OR2A25: variants seen among roughly 807,000 people sequenced by gnomAD.
OR2A25 encodes olfactory receptor 2A25.
For missense variants in OR2A25, 362 were observed against 368.3 expected, an observed-to-expected ratio of 0.98 and a Z score of 0.14; for synonymous variants, 162 against 148.1, an observed-to-expected ratio of 1.09 and a Z score of -0.68.
chr7:144,073,368 C>T (rs1472052487), intron 1 of OR2A25, among the ~76,000 whole-genome samples: 4 of 151,610 alleles, frequency 2.6e-5, no homozygotes, highest in African/African-American at 4.8e-5. Context: ...CTATTTACAT[C>T]TATTATGTAT....
In OR2A25 at chr7:144,075,132, GA is replaced by G. The variant is rs2051103470; in HGVS notation, c.917del (p.Lys306ArgfsTer11). The G allele has an allele frequency of 2.5e-6, 4 of 1,607,400 alleles. No homozygotes were observed. The highest frequency in any genetic ancestry group is 1.3e-5 in the African/African-American group (1 of 74,516). ...CCAAGGTACTCTAAAGAGGATGCTT[GA>G]AAAGAAGAGAACTTCATGAAAGCCT... ...EVQGTLKRML[E>X]KKRTS On this transcript the variant is annotated frameshift_variant, in exon 2 of 2. Transcript: ENST00000641663. LOFTEE classifies it high-confidence loss of function.
chr7:144,074,948 C>T lies in OR2A25; in HGVS notation c.729C>T (p.His243=), dbSNP rs765950357. The change falls in exon 2 of 2, where the codon CAC becomes CAT. Residue 243 remains histidine (H), a synonymous_variant. Coordinates refer to ENST00000641663, the MANE Select transcript of OR2A25 (RefSeq NM_001386096.1). The part of the protein sequence containing the change: ...CQKAFSICSS[H]LCVVGLFYGT... ...AAGCCTTCTCCATCTGCTCCTCCCACCTCTGTGTGGTTGGACTCTTTTATG... is the reference window on the plus strand; with the variant it reads ...AAGCCTTCTCCATCTGCTCCTCCCATCTCTGTGTGGTTGGACTCTTTTATG... The T allele has an allele frequency of 5.0e-5, 81 of 1,614,060 alleles. No homozygotes were observed. The highest frequency in any genetic ancestry group is 1.5e-4 in the Admixed American group (9 of 60,008).
chr7:144,070,586 T>A (rs2051058490), intron 1 of OR2A25, among the ~76,000 whole-genome samples: 1 of 152,026 alleles, frequency 6.6e-6, no homozygotes, highest in Non-Finnish European at 1.5e-5. Flanking sequence ...ATGCTTTTGG[T>A]GTTGAATTTC....
chr7:144,070,521 G>C (rs974273803), intron 1 of OR2A25: 1 of 151,904 alleles, frequency 6.6e-6, no homozygotes, highest in African/African-American at 2.4e-5. Flanking sequence ...TTAGCTACTA[G>C]ACTAATTTAA....
intron 1 of OR2A25, 178 bp from the exon 2 acceptor site, chr7:144,074,037 CA>C (rs2051087578): frequency 1.6e-6 from 1 of 621,594 alleles, no homozygotes; most frequent in Non-Finnish European, 2.9e-6. Flanking sequence ...TCATAGATGA[CA>C]AAATGTCCTT....
At chr7:144,070,898 T>A (rs537339241) in intron 1 of OR2A25, among the ~76,000 whole-genome samples, 1 of 151,998 alleles carries the variant, frequency 6.6e-6, no homozygotes, top group Non-Finnish European at 1.5e-5. Flanking sequence ...AGGCACGCAA[T>A]GTGAAATAAG....
Position 144,074,931 on chromosome 7 carries a change from T to C in OR2A25, c.712T>C (p.Ser238Pro), listed in dbSNP as rs1335454819. The change falls in exon 2 of 2, where the codon TCC (serine) becomes CCC (proline). Residue 238 changes from serine to proline, a missense_variant. Ser to Pro is a moderately conservative substitution (Grantham distance 74, BLOSUM62 -1). Coordinates refer to ENST00000641663, the MANE Select transcript of OR2A25 (RefSeq NM_001386096.1). Reference protein sequence around the residue: ...QSGEGCQKAFSICSSHLCVVG... With the variant: ...QSGEGCQKAFPICSSHLCVVG... Reference sequence around the variant, plus strand: ...AGGAGAGGGGTGCCAGAAAGCCTTCTCCATCTGCTCCTCCCACCTCTGTGT... The same window carrying C: ...AGGAGAGGGGTGCCAGAAAGCCTTCCCCATCTGCTCCTCCCACCTCTGTGT... The C allele has an allele frequency of 6.2e-7, 1 of 1,614,142 alleles. No individual in the cohort carries two copies.
intron 1 of OR2A25, among the ~76,000 whole-genome samples, chr7:144,073,131 A>T (rs2051079775): frequency 6.6e-6 from 1 of 152,172 alleles, no homozygotes; most frequent in Non-Finnish European, 1.5e-5. Context: ...TAATGAGTAC[A>T]AACATATGGT....
chr7:144,074,824 C>T lies in OR2A25; in HGVS notation c.605C>T (p.Ala202Val). 2 of 1,614,168 alleles carry T rather than the reference C, an allele frequency of 1.2e-6. No individual in the cohort carries two copies. Among genetic ancestry groups the T allele is most frequent in the Non-Finnish European group, 1.7e-6 (2 of 1,180,012 alleles). Residue 202 changes from alanine to valine, a missense_variant, in exon 2 of 2, where the codon GCA becomes GTA. Coordinates refer to ENST00000641663, the MANE Select transcript of OR2A25 (RefSeq NM_001386096.1). ...HINEVMVLAG[A>V]VSVLVGAFFS... Reference sequence around the variant, plus strand: ...AATGAGGTAATGGTTTTGGCAGGGGCAGTGTCTGTGCTGGTGGGAGCCTTC... The same window carrying T: ...AATGAGGTAATGGTTTTGGCAGGGGTAGTGTCTGTGCTGGTGGGAGCCTTC...
Position 144,074,941 on chromosome 7 carries a change from C to T in OR2A25, c.722C>T (p.Ser241Phe). 1 of 1,614,130 alleles carries T rather than the reference C, an allele frequency of 6.2e-7. No individual in the cohort carries two copies. The highest frequency in any genetic ancestry group is 1.3e-5 in the African/African-American group (1 of 75,030). The change falls in exon 2 of 2, where the codon TCC becomes TTC. Residue 241 changes from serine (S) to phenylalanine (F), a missense_variant. Coordinates refer to ENST00000641663, the MANE Select transcript of OR2A25 (RefSeq NM_001386096.1). The stretch of plus-strand genomic sequence containing the variant: ...TGCCAGAAAGCCTTCTCCATCTGCT[C>T]CTCCCACCTCTGTGTGGTTGGACTC... ...EGCQKAFSIC[S>F]SHLCVVGLFY... is the part of the protein sequence containing the mutation.
intron 1 of OR2A25, among the ~76,000 whole-genome samples, chr7:144,071,210 G>GT (rs1190762824): frequency 5.3e-5 from 8 of 151,700 alleles, no homozygotes; most frequent in African/African-American, 1.7e-4. Flanking sequence ...CTTCTACTCT[G>GT]TATGTCCATG....
chr7:144,070,807 T>A (rs2051060273), intron 1 of OR2A25, among the ~76,000 whole-genome samples: 1 of 152,040 alleles, frequency 6.6e-6, no homozygotes, highest in Non-Finnish European at 1.5e-5. Flanking sequence ...AATTATCATA[T>A]TTGTGAGTCC....
At chr7:144,073,188 C>CTA (rs1014071939) in intron 1 of OR2A25, among the ~76,000 whole-genome samples, 3 of 151,962 alleles carry the variant, frequency 2.0e-5, no homozygotes, top group Non-Finnish European at 4.4e-5. Context: ...AGAAGAGTGA[C>CTA]TATAGTTTAC....
Position 144,074,757 on chromosome 7 carries a change from A to C in OR2A25, c.538A>C (p.Ile180Leu). 6.2e-7 allele frequency: 1 copy of C among 1,614,218 alleles called. No individual in the cohort carries two copies. The highest frequency in any genetic ancestry group is 8.5e-7 in the Non-Finnish European group (1 of 1,180,040). Residue 180 changes from isoleucine to leucine, a missense_variant, in exon 2 of 2, where the codon ATT becomes CTT. By Grantham distance (5) the Ile-to-Leu change is conservative (BLOSUM62 2). Transcript: ENST00000641663. ...GAAACTTAATCACTTTTTCTGTGAA[A>C]TTATGGCTGTTCTCAAACTTGCCTG... is the stretch of plus-strand genomic sequence containing the variant. ...PQKLNHFFCEIMAVLKLACAD... is the reference protein window; with the variant it reads ...PQKLNHFFCELMAVLKLACAD...
chr7:144,070,630 G>T (rs1919949), intron 1 of OR2A25, among the ~76,000 whole-genome samples: 4 of 151,570 alleles, frequency 2.6e-5, no homozygotes, highest in African/African-American at 2.4e-5. Flanking sequence ...AGTTGTTTGT[G>T]GGGGGTTGCC....
At position 144,074,923 on chromosome 7, in the gene OR2A25, A is replaced by G. The variant is rs1411771179; in HGVS notation, c.704A>G (p.Lys235Arg). Reference protein sequence around the residue: ...LKIQSGEGCQKAFSICSSHLC... With the variant: ...LKIQSGEGCQRAFSICSSHLC... ...ATCCAGTCAGGAGAGGGGTGCCAGA[A>G]AGCCTTCTCCATCTGCTCCTCCCAC... Residue 235 changes from lysine to arginine, a missense_variant, in exon 2 of 2, where the codon AAA becomes AGA. Transcript: ENST00000641663. The G allele has an allele frequency of 1.2e-6, 2 of 1,614,096 alleles. No homozygotes were observed. Among genetic ancestry groups the G allele is most frequent in the East Asian group, 2.2e-5 (1 of 44,872 alleles).
In OR2A25 at chr7:144,075,330, C is replaced by T; in HGVS notation, c.*178C>T. On this transcript the variant is annotated 3_prime_UTR_variant, in exon 2 of 2. Coordinates refer to ENST00000641663, the MANE Select transcript of OR2A25 (RefSeq NM_001386096.1). ...CTTTCCTCTCTCCAGCATTGAAGGTCGGAGCTGCACAATTAATAAAAATAT... is the reference window on the plus strand; with the variant it reads ...CTTTCCTCTCTCCAGCATTGAAGGTTGGAGCTGCACAATTAATAAAAATAT... 1 of 546,926 alleles carries T rather than the reference C, an allele frequency of 1.8e-6. No homozygotes were observed. Among genetic ancestry groups the T allele is most frequent in the South Asian group, 2.7e-5 (1 of 36,744 alleles). 33.9% of individuals were successfully genotyped at this position (546,926 alleles called of 1,614,324 possible).
chr7:144,075,397 A>G lies in OR2A25; in HGVS notation c.*245A>G, dbSNP rs2051105603. On this transcript the variant is annotated 3_prime_UTR_variant, in exon 2 of 2. Transcript: ENST00000641663. ...TAGTGTACACACTTTTAATATAATT[A>G]TGTGAAATATTCTGAAAGTTGGAAA... 6.2e-6 allele frequency: 2 copies of G among 320,778 alleles called. No homozygotes were observed. The highest frequency in any genetic ancestry group is 1.1e-5 in the Non-Finnish European group (2 of 175,738). The allele number at this position is 320,778 out of a possible 1,614,324, so 19.9% of individuals were successfully genotyped here. A position where few individuals can be genotyped will look rare whatever the true frequency, so the allele number is the denominator to read the frequency against.
rs746027222 is a variant in OR2A25, at chr7:144,074,889, A to C, written c.670A>C (p.Ile224Leu). ...ATCTTATGTTCATATTCTATGTGCC[A>C]TTCTAAAGATCCAGTCAGGAGAGGG... ...VISYVHILCA[I>L]LKIQSGEGCQ... Residue 224 changes from isoleucine (I) to leucine (L), a missense_variant, in exon 2 of 2, where the codon ATT becomes CTT. By Grantham distance (5) the Ile-to-Leu change is conservative. Coordinates refer to ENST00000641663, the MANE Select transcript of OR2A25 (RefSeq NM_001386096.1). 1 of 1,613,942 alleles carries C rather than the reference A, an allele frequency of 6.2e-7. No individual in the cohort carries two copies. Among genetic ancestry groups the C allele is most frequent in the South Asian group, 1.1e-5 (1 of 91,056 alleles).
Sources: allele counts gnomAD v4.1 joint callset (sites outside exome capture counted in the v4.1 genomes callset), GRCh38; gene constraint gnomAD v4.1.1; transcripts MANE v1.5; gene names NCBI Gene and HGNC (gene_info 2026-07-23, HGNC 2026-07-21).